The following HIBADH variants were observed in gnomAD, a reference collection of about 807,000 sequenced individuals.
HIBADH encodes 3-hydroxyisobutyrate dehydrogenase, mitochondrial.
In HIBADH, 25 loss-of-function variants were observed where a neutral mutation model predicts 36.1. The observed-to-expected ratio is 0.69, with a 90% CI of 0.50 to 0.97. The LOEUF is 0.97. HIBADH is among the 50% of genes least tolerant of loss of function. The probability of loss-of-function intolerance (pLI) is 0.00; values close to 1 mark genes in which losing one functional copy is unlikely to be tolerated. For missense variants in HIBADH, 421 were observed against 418.0 expected, an observed-to-expected ratio of 1.01 and a Z score of -0.06; for synonymous variants, 160 against 149.5, an observed-to-expected ratio of 1.07 and a Z score of -0.51.
intron 2 of HIBADH, among the ~76,000 whole-genome samples, chr7:27,648,514 T>C (rs1052671836): frequency 6.6e-6 from 1 of 152,236 alleles, no homozygotes; most frequent in Non-Finnish European, 1.5e-5. Context: ...TCAAGTCTAT[T>C]ATCTAGAAGC....
At chr7:27,594,000 G>A (rs1784984862) in intron 4 of HIBADH, among the ~76,000 whole-genome samples, 6 of 150,340 alleles carry the variant, frequency 4.0e-5, no homozygotes, top group Admixed American at 4.0e-4. Context: ...TCCAGCCTGG[G>A]CGACAGAGCG....
chr7:27,554,060 ACTGCAACCTCCAC>A (rs1562619412), intron 4 of HIBADH, among the ~76,000 whole-genome samples: 3 of 152,160 alleles, frequency 2.0e-5, no homozygotes, highest in Non-Finnish European at 4.4e-5. Context: ...ATCCCAGCTC[ACTGCAACCTCCAC>A]CTCCCGGGTT....
chr7:27,602,724 CA>C (rs1351960011), intron 4 of HIBADH, among the ~76,000 whole-genome samples: 3 of 152,102 alleles, frequency 2.0e-5, no homozygotes, highest in Non-Finnish European at 4.4e-5. Flanking sequence ...AGATTACTGA[CA>C]AATAAGCATT....
chr7:27,636,841 G>A lies in HIBADH; in HGVS notation c.253-4396C>T, dbSNP rs149587653. Among the ~76,000 whole-genome samples the A allele has an allele frequency of 2.6e-5, 4 of 152,288 alleles. No homozygotes were observed. In the East Asian group the frequency reaches 7.7e-4, roughly 29 times the overall value. ...GCAAAATAAAGGTGGGTCAGAAGGG[G>A]CAGTGCAGAGCAGACTCTTAAACAG... is the stretch of plus-strand genomic sequence containing the variant. On this transcript the variant is annotated intron_variant, in intron 2 of 7. Coordinates refer to ENST00000265395, the MANE Select transcript of HIBADH (RefSeq NM_152740.4).
chr7:27,543,172 A>G (rs1784184927), intron 4 of HIBADH, 72 bp from the exon 5 acceptor site: 1 of 1,526,578 alleles, frequency 6.6e-7, no homozygotes, highest in Non-Finnish European at 8.9e-7. Context: ...AGGTAATAAA[A>G]TTAGAGAAAC....
At position 27,571,382 on chromosome 7, in the gene HIBADH, C is replaced by G. The variant is rs565829055; in HGVS notation, c.485-28282G>C. ...GGATTACAGGCATGTGCCACCATGC[C>G]CGGCTAATTTTCTTGTATTTTTAGT... On this transcript the variant is annotated intron_variant, in intron 4 of 7. Transcript: ENST00000265395. Among the ~76,000 whole-genome samples the G allele has an allele frequency of 2.0e-5, 3 of 152,108 alleles. No homozygotes were observed. The East Asian group carries it at 5.8e-4, about 29-fold the overall frequency.
At chr7:27,552,051 G>A (rs1045728609) in intron 4 of HIBADH, among the ~76,000 whole-genome samples, 1 of 152,198 alleles carries the variant, frequency 6.6e-6, no homozygotes, top group Non-Finnish European at 1.5e-5. Flanking sequence ...GCTACTCAAC[G>A]AACAATATAA....
chr7:27,658,804 T>C (rs1278250818), intron 1 of HIBADH, among the ~76,000 whole-genome samples: 1 of 152,250 alleles, frequency 6.6e-6, no homozygotes, highest in Admixed American at 6.5e-5. Context: ...ATATCTATTT[T>C]ATCACATAAT....
intron 2 of HIBADH, among the ~76,000 whole-genome samples, chr7:27,646,428 C>T (rs1786072123): frequency 6.6e-6 from 1 of 152,218 alleles, no homozygotes; most frequent in Admixed American, 6.5e-5. Context: ...GGTAACCCCT[C>T]CTCTGAGAGG....
At chr7:27,614,418 G>A (rs1371784857) in intron 4 of HIBADH, among the ~76,000 whole-genome samples, 1 of 152,130 alleles carries the variant, frequency 6.6e-6, no homozygotes, top group Non-Finnish European at 1.5e-5. Flanking sequence ...ATGAATAACC[G>A]CAAGAAGGCT....
At chr7:27,589,550 G>A (rs538235404) in intron 4 of HIBADH, among the ~76,000 whole-genome samples, 7 of 152,174 alleles carry the variant, frequency 4.6e-5, no homozygotes, top group Admixed American at 3.3e-4. Flanking sequence ...ACATAATAAT[G>A]CCTATTTTAC....
chr7:27,650,465 TTTATTTA>T (rs1786164538), intron 1 of HIBADH, among the ~76,000 whole-genome samples: 1 of 22,394 alleles, frequency 4.5e-5, no homozygotes, highest in Non-Finnish European at 1.1e-4. Context: ...TATATTTTTA[TTTATTTA>T]TTTATTTATT....
intron 2 of HIBADH, among the ~76,000 whole-genome samples, chr7:27,640,755 T>C (rs1292829380): frequency 6.6e-6 from 1 of 152,208 alleles, no homozygotes; most frequent in African/African-American, 2.4e-5. Flanking sequence ...CATGGTGTAG[T>C]GTATTTCTTC....
chr7:27,564,228 TA>T (rs1249282494), intron 4 of HIBADH, among the ~76,000 whole-genome samples: 1 of 152,192 alleles, frequency 6.6e-6, no homozygotes, highest in Non-Finnish European at 1.5e-5. Context: ...ATTTATCAAT[TA>T]TTTTTTATGA....
In HIBADH at chr7:27,539,388, T is replaced by C. The variant is rs57315723; in HGVS notation, c.619-971A>G. On this transcript the variant is annotated intron_variant, in intron 5 of 7. Transcript: ENST00000265395. ...GACAAGAGTATGGAGACAATAAATA[T>C]ATCTAAGATAATACCAAGTCTAGAG... Among the ~76,000 whole-genome samples, 9 of 152,116 alleles carry C rather than the reference T, an allele frequency of 5.9e-5. No homozygotes were observed. In the East Asian group the frequency reaches 1.7e-3, roughly 29 times the overall value.
rs943962580 is a variant in HIBADH, at chr7:27,592,545, G to A, written c.484+36826C>T. 3.2e-4 allele frequency among the ~76,000 whole-genome samples: 49 copies of A among 152,136 alleles called. 2 individuals are homozygous for A. The highest frequency in any genetic ancestry group is 1.1e-3 in the African/African-American group (46 of 41,434). On this transcript the variant is annotated intron_variant, in intron 4 of 7. Coordinates refer to ENST00000265395, the MANE Select transcript of HIBADH (RefSeq NM_152740.4). ...CTTCGCCTGGCCCCATTCATCCTAT[G>A]AGTTATTCTTGGTGAATGTTATAGG...
intron 5 of HIBADH, among the ~76,000 whole-genome samples, chr7:27,539,566 A>G (rs1784116292): frequency 6.6e-6 from 1 of 152,150 alleles, no homozygotes; most frequent in East Asian, 1.9e-4. Flanking sequence ...CTTCTAAATG[A>G]AAGTTACTTG....
intron 5 of HIBADH, among the ~76,000 whole-genome samples, chr7:27,539,433 G>A (rs1214931802): frequency 6.6e-6 from 1 of 152,076 alleles, no homozygotes; most frequent in Non-Finnish European, 1.5e-5. Flanking sequence ...GAGAGTCCTA[G>A]TGACCAGGAT....
At chr7:27,580,375 G>T (rs1431532109) in intron 4 of HIBADH, among the ~76,000 whole-genome samples, 1 of 152,076 alleles carries the variant, frequency 6.6e-6, no homozygotes, top group Non-Finnish European at 1.5e-5. Context: ...TAACCACTTA[G>T]AAATCAGAAA....
Sources: gnomAD v4.1 joint callset for allele counts (sites outside exome capture counted in the v4.1 genomes callset) on GRCh38, gnomAD v4.1.1 for gene constraint, MANE v1.5 for transcripts, NCBI Gene and HGNC (gene_info 2026-07-23, HGNC 2026-07-21) for gene names.